The following KDM4C variants were observed in gnomAD, a reference collection of about 807,000 sequenced individuals.
The protein encoded by KDM4C is lysine-specific demethylase 4C.
In KDM4C, 81 loss-of-function variants were observed where a neutral mutation model predicts 129.3. That is an observed-to-expected ratio of 0.63 (90% CI 0.52 to 0.75). The LOEUF is 0.75. Ranked by LOEUF, KDM4C falls within the 30% of genes least tolerant of loss-of-function variation. The pLI is 0.00. For missense variants in KDM4C, 1,457 were observed against 1,304.0 expected (o/e 1.12, Z -1.81); for synonymous variants, 573 against 456.1 (o/e 1.26, Z -3.26).
At position 6,805,790 on chromosome 9, in the gene KDM4C, T is replaced by C; in HGVS notation, c.320+16T>C. ...ACAGTGGCAAGTGAGTAGAATCAGTTTGCTATTTCTGTTTCCTTCAAAGAT... is the reference window on the plus strand; with the variant it reads ...ACAGTGGCAAGTGAGTAGAATCAGTCTGCTATTTCTGTTTCCTTCAAAGAT... On this transcript the variant is annotated intron_variant, in intron 3 of 21. Transcript: ENST00000381309. 6.2e-7 allele frequency: 1 copy of C among 1,600,050 alleles called. No individual in the cohort carries two copies. The highest frequency in any genetic ancestry group is 2.2e-5 in the East Asian group (1 of 44,672).
intron 3 of KDM4C, 132 bp downstream of exon 3, chr9:6,805,906 CTG>C: frequency 1.4e-6 from 1 of 726,350 alleles, no homozygotes; most frequent in East Asian, 2.9e-5. Flanking sequence ...CTTCATTGAA[CTG>C]TTTCTGTTTT....
At chr9:6,763,051 G>T (rs1003009614) in intron 1 of KDM4C, among the ~76,000 whole-genome samples, 1 of 151,954 alleles carries the variant, frequency 6.6e-6, no homozygotes, top group African/African-American at 2.4e-5. Flanking sequence ...GATGGATGGG[G>T]GGTAGAGGGG....
chr9:6,893,036 G>A, intron 7 of KDM4C, 59 bp from the exon 8 acceptor site: 2 of 1,245,290 alleles, frequency 1.6e-6, no homozygotes, highest in East Asian at 2.7e-5. Flanking sequence ...TATTTTAATT[G>A]TATTCATAAT....
At chr9:6,774,143 C>G (rs1433484870) in intron 1 of KDM4C, among the ~76,000 whole-genome samples, 1 of 151,996 alleles carries the variant, frequency 6.6e-6, no homozygotes, top group Non-Finnish European at 1.5e-5. Context: ...CTGCCTCAGC[C>G]TCCCAAAGTG....
intron 19 of KDM4C, among the ~76,000 whole-genome samples, chr9:7,129,168 T>G (rs1312463720): frequency 6.6e-6 from 1 of 152,164 alleles, no homozygotes; most frequent in Non-Finnish European, 1.5e-5. Flanking sequence ...GGAAAGATAT[T>G]TTCAGCGACT....
chr9:6,850,212 A>G (rs1838591582), intron 5 of KDM4C, among the ~76,000 whole-genome samples: 1 of 152,214 alleles, frequency 6.6e-6, no homozygotes, highest in South Asian at 2.1e-4. Context: ...TTTCTCAGAA[A>G]CTATCACTGT....
Position 6,984,187 on chromosome 9 carries a change from C to T in KDM4C, c.1137C>T (p.Thr379=), listed in dbSNP as rs1256001462. 5 of 1,613,426 alleles carry T rather than the reference C, an allele frequency of 3.1e-6. No individual in the cohort carries two copies. The highest frequency in any genetic ancestry group is 2.2e-5 in the East Asian group (1 of 44,872). ...ACAGCTTCCAGTGTGCTAGGTCTAC[C>T]TCTAAAAGGCCTAAGGCTGATGAGG... ...ASRSFQCARS[T]SKRPKADEEE... Residue 379 remains threonine, a synonymous_variant, in exon 10 of 22, where the codon ACC becomes ACT. Coordinates refer to ENST00000381309, the MANE Select transcript of KDM4C (RefSeq NM_015061.6).
At chr9:6,789,477 C>A (rs1404834935) in intron 1 of KDM4C, among the ~76,000 whole-genome samples, 1 of 152,132 alleles carries the variant, frequency 6.6e-6, no homozygotes, top group Non-Finnish European at 1.5e-5. Flanking sequence ...ACCTCAGCCT[C>A]CCAAAGTGTT....
At chr9:6,792,680 C>G (rs1043671760) in intron 1 of KDM4C, among the ~76,000 whole-genome samples, 2 of 152,130 alleles carry the variant, frequency 1.3e-5, no homozygotes, top group African/African-American at 4.8e-5. Context: ...AGCCACCGCA[C>G]CCGGCCTAGA....
At chr9:7,043,380 C>T (rs1828901752) in intron 15 of KDM4C, among the ~76,000 whole-genome samples, 1 of 151,970 alleles carries the variant, frequency 6.6e-6, no homozygotes, top group Admixed American at 6.6e-5. Context: ...ATGTATCAGA[C>T]ATTGTAGATT....
chr9:6,835,550 C>T lies in KDM4C; in HGVS notation c.436-13957C>T, dbSNP rs1835730234. On this transcript the variant is annotated intron_variant, in intron 4 of 21. Coordinates refer to ENST00000381309, the MANE Select transcript of KDM4C (RefSeq NM_015061.6). ...AAGCAGGAGTATGATGAGTCCGGCTCCATCATCCATCCTTCAAATGCTTCT... is the reference window on the plus strand; with the variant it reads ...AAGCAGGAGTATGATGAGTCCGGCTTCATCATCCATCCTTCAAATGCTTCT... The T allele has an allele frequency of 2.4e-6, 3 of 1,255,718 alleles. No homozygotes were observed. In the South Asian group the frequency reaches 3.6e-5, roughly 15 times the overall value. 77.8% of individuals were successfully genotyped at this position (1,255,718 alleles called of 1,614,324 possible). A position where few individuals can be genotyped will look rare whatever the true frequency, so the allele number is the denominator to read the frequency against.
intron 8 of KDM4C, among the ~76,000 whole-genome samples, chr9:6,949,308 G>T (rs936205253): frequency 4.6e-5 from 7 of 150,812 alleles, no homozygotes; most frequent in African/African-American, 1.5e-4. Context: ...GGGCAGAGAC[G>T]CTCCTCATTT....
At chr9:6,845,625 G>A (rs756356715) in intron 4 of KDM4C, among the ~76,000 whole-genome samples, 3 of 152,108 alleles carry the variant, frequency 2.0e-5, no homozygotes, top group African/African-American at 4.8e-5. Context: ...TGCAAAAATC[G>A]TGGTCCAATT....
Position 7,067,948 on chromosome 9 carries a change from A to C in KDM4C, c.2424+18748A>C, listed in dbSNP as rs1314313959. ...GTAGCTGGGACTACAGGCGGCCACC[A>C]CCACGCATGGCTAATTTTTTTGTAT... On this transcript the variant is annotated intron_variant, in intron 17 of 21. Coordinates refer to ENST00000381309, the MANE Select transcript of KDM4C (RefSeq NM_015061.6). 3.9e-5 allele frequency among the ~76,000 whole-genome samples: 6 copies of C among 151,926 alleles called. No individual in the cohort carries two copies. In the East Asian group the frequency reaches 7.8e-4, roughly 20 times the overall value.
chr9:6,850,933 T>C (rs1465771164), intron 5 of KDM4C, among the ~76,000 whole-genome samples: 1 of 151,712 alleles, frequency 6.6e-6, no homozygotes, highest in Admixed American at 6.6e-5. Context: ...TTTTGTATTT[T>C]TAGTAGAGAT....
At chr9:7,038,316 A>G (rs1827994544) in intron 15 of KDM4C, among the ~76,000 whole-genome samples, 1 of 152,076 alleles carries the variant, frequency 6.6e-6, no homozygotes, top group South Asian at 2.1e-4. Context: ...CATTTTTTAC[A>G]GAAAACTACT....
At chr9:6,941,240 C>G (rs1825879441) in intron 8 of KDM4C, among the ~76,000 whole-genome samples, 1 of 152,156 alleles carries the variant, frequency 6.6e-6, no homozygotes, top group Non-Finnish European at 1.5e-5. Flanking sequence ...AACTCCTGAC[C>G]TCAAGTGATC....
At chr9:6,860,683 G>A (rs1211410304) in intron 5 of KDM4C, among the ~76,000 whole-genome samples, 2 of 152,170 alleles carry the variant, frequency 1.3e-5, no homozygotes. Flanking sequence ...CCCAGCTTCT[G>A]AAGGCTGTAA....
chr9:6,969,064 T>A (rs1389168598), intron 8 of KDM4C, among the ~76,000 whole-genome samples: 1 of 152,056 alleles, frequency 6.6e-6, no homozygotes, highest in Admixed American at 6.6e-5. Flanking sequence ...GCTTTCTGAG[T>A]ACCTGGGACC....
Sources: allele counts gnomAD v4.1 joint callset (sites outside exome capture counted in the v4.1 genomes callset), GRCh38; gene constraint gnomAD v4.1.1; transcripts MANE v1.5; gene names NCBI Gene and HGNC (gene_info 2026-07-23, HGNC 2026-07-21).